MPDZ: variants seen among roughly 807,000 people sequenced by gnomAD.
MPDZ encodes the protein multiple PDZ domain crumbs cell polarity complex component, also known as multiple PDZ domain protein.
MPDZ carries 234 observed loss-of-function variants against 239.1 expected under a neutral mutation model. The ratio of observed to expected loss-of-function variants is 0.98; its 90% CI spans 0.88 to 1.09. MPDZ has a LOEUF of 1.09. Among genes scored for constraint, MPDZ ranks in the 50% least tolerant of loss-of-function variants. The pLI is 0.00. For synonymous variants in MPDZ, 1,048 were observed against 881.3 expected (o/e 1.19, Z -3.35); for missense variants, 3,175 against 2,510.0 (o/e 1.26, Z -5.66).
At chr9:13,115,431 AG>A in intron 39 of MPDZ, 97 bp from the exon 40 acceptor site, 1 of 984,990 alleles carries the variant, frequency 1.0e-6, no homozygotes, top group Non-Finnish European at 1.6e-6. Flanking sequence ...CTTTTTTGAA[AG>A]GCATCTTCCT....
At chr9:13,110,880 C>A in intron 43 of MPDZ, 140 bp from the exon 44 acceptor site, 1 of 546,758 alleles carries the variant, frequency 1.8e-6, no homozygotes, top group Non-Finnish European at 3.2e-6. Context: ...ACCAAGGAAA[C>A]CACTAATTCC....
At chr9:13,172,564 T>A (rs1431028082) in intron 21 of MPDZ, among the ~76,000 whole-genome samples, 1 of 152,080 alleles carries the variant, frequency 6.6e-6, no homozygotes, top group East Asian at 1.9e-4. Flanking sequence ...TTTTTGTATT[T>A]TCAGTAGAGA....
At chr9:13,278,914 C>T (rs963439247) in intron 1 of MPDZ, 1 of 152,154 alleles carries the variant, frequency 6.6e-6, no homozygotes, top group African/African-American at 2.4e-5. Context: ...GCAACAGGCT[C>T]CCGCGCCCTG....
At position 13,150,576 on chromosome 9, in the gene MPDZ, G is replaced by A. The variant is rs758690522; in HGVS notation, c.3565C>T (p.His1189Tyr). ...CCAGCTGGACTATCTTCCAGAACATGTTTGATGAAAATGCCCCTCATCACT... is the reference window on the plus strand; with the variant it reads ...CCAGCTGGACTATCTTCCAGAACATATTTGATGAAAATGCCCCTCATCACT... ...GEVMRGIFIK[H>Y]VLEDSPAGKN... Residue 1189 changes from histidine (H) to tyrosine (Y), a missense_variant, in exon 25 of 47, where the codon CAT becomes TAT. Coordinates refer to ENST00000319217, the MANE Select transcript of MPDZ (RefSeq NM_001378778.1). 10 of 1,565,194 alleles carry A rather than the reference G, an allele frequency of 6.4e-6. No individual in the cohort carries two copies. Among genetic ancestry groups the A allele is most frequent in the South Asian group, 3.7e-5 (3 of 81,912 alleles).
chr9:13,107,808 C>G (rs1055600211), intron 46 of MPDZ, among the ~76,000 whole-genome samples: 1 of 151,964 alleles, frequency 6.6e-6, no homozygotes, highest in South Asian at 2.1e-4. Context: ...GACAATTATG[C>G]AATTAAATAT....
chr9:13,187,402 A>G (rs561273128), intron 17 of MPDZ, among the ~76,000 whole-genome samples: 422 of 152,296 alleles, frequency 2.8e-3, no homozygotes, highest in South Asian at 8.3e-3. Flanking sequence ...TGTCCAACAG[A>G]AAGACCAGAA....
rs1421800219 is a variant in MPDZ, at chr9:13,192,305, A to C, written c.1804-10T>G. 6.3e-7 allele frequency: 1 copy of C among 1,586,364 alleles called. No homozygotes were observed. The highest frequency in any genetic ancestry group is 2.3e-5 in the East Asian group (1 of 44,040). On this transcript the variant is annotated splice_polypyrimidine_tract_variant and intron_variant, in intron 14 of 46. Coordinates refer to ENST00000319217, the MANE Select transcript of MPDZ (RefSeq NM_001378778.1). ...AAGTTATGCCATTTACCTGTGAAAAAAGATACATTGTCCAACAAACAACAC... is the reference window on the plus strand; with the variant it reads ...AAGTTATGCCATTTACCTGTGAAAACAGATACATTGTCCAACAAACAACAC...
At chr9:13,222,658 C>A (rs902345868) in intron 5 of MPDZ, among the ~76,000 whole-genome samples, 3 of 152,004 alleles carry the variant, frequency 2.0e-5, no homozygotes, top group African/African-American at 7.2e-5. Flanking sequence ...CCTACTGAAC[C>A]CCTCCCATAT....
chr9:13,264,353 T>C (rs1371651377), intron 1 of MPDZ, among the ~76,000 whole-genome samples: 2 of 152,146 alleles, frequency 1.3e-5, no homozygotes, highest in Non-Finnish European at 2.9e-5. Flanking sequence ...TCCAGAATTA[T>C]ATATATTTTA....
rs1488984553 is a variant in MPDZ at position 13,205,089 on chromosome 9, T to G, written c.1493A>C (p.Glu498Ala). Residue 498 changes from glutamate to alanine, a missense_variant, in exon 12 of 47, where the codon GAA becomes GCA. By Grantham distance (107) the Glu-to-Ala change is moderately radical. Coordinates refer to ENST00000319217, the MANE Select transcript of MPDZ (RefSeq NM_001378778.1). Reference sequence around the variant, plus strand: ...GTTTCTCGTCGAAGATAAAAAATCTTCATCTTTTTCATAATTTTCTTAAAG... The same window carrying G: ...GTTTCTCGTCGAAGATAAAAAATCTGCATCTTTTTCATAATTTTCTTAAAG... The part of the protein sequence containing the change: ...SIIKENYEKD[E>A]DFLSSTRNTN... 7.0e-7 allele frequency: 1 copy of G among 1,437,970 alleles called. No homozygotes were observed. The highest frequency in any genetic ancestry group is 9.2e-7 in the Non-Finnish European group (1 of 1,091,760). 89.1% of individuals were successfully genotyped at this position (1,437,970 alleles called of 1,614,324 possible).
At chr9:13,239,926 T>C (rs761707260) in intron 3 of MPDZ, among the ~76,000 whole-genome samples, 3 of 152,138 alleles carry the variant, frequency 2.0e-5, no homozygotes, top group Non-Finnish European at 2.9e-5. Context: ...TCAACAATTC[T>C]GTGTTTTCTT....
chr9:13,272,656 C>T (rs1215647984), intron 1 of MPDZ, among the ~76,000 whole-genome samples: 4 of 141,278 alleles, frequency 2.8e-5, no homozygotes, highest in East Asian at 2.1e-4. Context: ...TGAGGTCAGG[C>T]GTTCAAGACC....
chr9:13,177,435 C>A (rs984122797), intron 19 of MPDZ, among the ~76,000 whole-genome samples: 3 of 152,086 alleles, frequency 2.0e-5, no homozygotes, highest in African/African-American at 7.2e-5. Flanking sequence ...ATTTTTAATG[C>A]ATTTGCATAA....
intron 24 of MPDZ, among the ~76,000 whole-genome samples, chr9:13,154,642 T>C (rs1179326636): frequency 1.3e-5 from 2 of 152,134 alleles, no homozygotes; most frequent in Non-Finnish European, 1.5e-5. Context: ...TGATAAATCT[T>C]TTATTACTAG....
intron 1 of MPDZ, among the ~76,000 whole-genome samples, chr9:13,267,139 T>A (rs1297391523): frequency 6.6e-6 from 1 of 152,232 alleles, no homozygotes; most frequent in Non-Finnish European, 1.5e-5. Flanking sequence ...CAACTAATAA[T>A]AAAATTGCAT....
chr9:13,115,279 T>C lies in MPDZ; in HGVS notation c.5435A>G (p.His1812Arg), dbSNP rs375967596. Residue 1812 changes from histidine (H) to arginine (R), a missense_variant, in exon 40 of 47, where the codon CAT becomes CGT. Coordinates refer to ENST00000319217, the MANE Select transcript of MPDZ (RefSeq NM_001378778.1). Reference sequence around the variant, plus strand: ...GCTTTGAGATGGCCTCCTCTCTGAATGGAATGGACCAGCTTTGATTCTTCC... The same window carrying C: ...GCTTTGAGATGGCCTCCTCTCTGAACGGAATGGACCAGCTTTGATTCTTCC... ...EVGRIKAGPF[H>R]SERRPSQSSQ... 3.1e-6 allele frequency: 5 copies of C among 1,612,748 alleles called. No homozygotes were observed. Among genetic ancestry groups the C allele is most frequent in the Non-Finnish European group, 4.2e-6 (5 of 1,179,848 alleles).
At chr9:13,252,940 A>C (rs1968494349) in intron 1 of MPDZ, among the ~76,000 whole-genome samples, 1 of 152,192 alleles carries the variant, frequency 6.6e-6, no homozygotes, top group Non-Finnish European at 1.5e-5. Context: ...TCTGAATCTG[A>C]ATCTCTATTT....
At chr9:13,223,541 A>C (rs1959488209) in intron 5 of MPDZ, 30 bp downstream of exon 5, 1 of 1,572,052 alleles carries the variant, frequency 6.4e-7, no homozygotes, top group Non-Finnish European at 8.6e-7. Context: ...TGTGGGATCA[A>C]AAACAAAGAA....
chr9:13,258,799 AAAT>A (rs1444565713), intron 1 of MPDZ, among the ~76,000 whole-genome samples: 11 of 152,334 alleles, frequency 7.2e-5, no homozygotes, highest in Admixed American at 7.2e-4. Flanking sequence ...AAATCTTCCT[AAAT>A]TTATTCAATG....
Sources: allele counts gnomAD v4.1 joint callset (sites outside exome capture counted in the v4.1 genomes callset), GRCh38; gene constraint gnomAD v4.1.1; transcripts MANE v1.5; gene names NCBI Gene and HGNC (gene_info 2026-07-23, HGNC 2026-07-21).